Variants in METTL24 observed in about 807,000 individuals in gnomAD.
METTL24 encodes the protein methyltransferase like 24, also known as probable methyltransferase-like protein 24.
In METTL24, 29 loss-of-function variants were observed where a neutral mutation model predicts 32.7. That is an observed-to-expected ratio of 0.89 (90% CI 0.66 to 1.21). METTL24 has a LOEUF of 1.21. Among genes scored for constraint, METTL24 ranks in the 50% most tolerant of loss-of-function variants. The pLI is 0.00. For synonymous variants in METTL24, 163 were observed against 179.5 expected, an observed-to-expected ratio of 0.91 and a Z score of 0.73; for missense variants, 439 against 468.1, an observed-to-expected ratio of 0.94 and a Z score of 0.57.
At chr6:110,353,844 A>G (rs910352023) in intron 1 of METTL24, among the ~76,000 whole-genome samples, 1 of 152,234 alleles carries the variant, frequency 6.6e-6, no homozygotes, top group African/African-American at 2.4e-5. Flanking sequence ...TGCATTAAAA[A>G]GCATAAATCA....
intron 4 of METTL24, among the ~76,000 whole-genome samples, chr6:110,276,572 A>C (rs1771051082): frequency 6.6e-6 from 1 of 152,240 alleles, no homozygotes; most frequent in Non-Finnish European, 1.5e-5. Context: ...TAACTGGTAG[A>C]ATACGCTAAA....
intron 1 of METTL24, among the ~76,000 whole-genome samples, chr6:110,332,227 C>G (rs556432886): frequency 6.6e-6 from 1 of 152,258 alleles, no homozygotes; most frequent in East Asian, 1.9e-4. Flanking sequence ...GATTTATCCT[C>G]TAAGTTATTT....
intron 4 of METTL24, among the ~76,000 whole-genome samples, chr6:110,292,817 A>G (rs1771342765): frequency 6.6e-6 from 1 of 152,024 alleles, no homozygotes; most frequent in African/African-American, 2.4e-5. Context: ...AGCTGAAAAA[A>G]CATTTTTAAA....
intron 4 of METTL24, among the ~76,000 whole-genome samples, chr6:110,273,902 T>C (rs1171091531): frequency 6.6e-6 from 1 of 152,236 alleles, no homozygotes; most frequent in Non-Finnish European, 1.5e-5. Context: ...GAAGTTATTA[T>C]ATGAAAAAGA....
rs577419695 is a variant in METTL24, at chr6:110,252,155, CA to C, written c.787-5896del. On this transcript the variant is annotated intron_variant, in intron 4 of 4. Coordinates refer to ENST00000338882, the MANE Select transcript of METTL24 (RefSeq NM_001123364.3). ...CAAAACTCTTCCTTAAAAAACAAAA[CA>C]AAAAAAACCTGCTGCATTGGGATTC... 2.9e-4 allele frequency among the ~76,000 whole-genome samples: 44 copies of C among 151,894 alleles called. No individual in the cohort carries two copies. In the South Asian group the frequency reaches 8.9e-3, roughly 31 times the overall value.
intron 3 of METTL24, among the ~76,000 whole-genome samples, chr6:110,303,594 G>A (rs1397622227): frequency 2.6e-5 from 4 of 152,218 alleles, no homozygotes; most frequent in South Asian, 2.1e-4. Context: ...CAAAGCTGCT[G>A]TAGCCAGACT....
chr6:110,303,372 C>A (rs1260334776), intron 3 of METTL24, among the ~76,000 whole-genome samples: 1 of 152,158 alleles, frequency 6.6e-6, no homozygotes, highest in Non-Finnish European at 1.5e-5. Context: ...TCTTGCTCAG[C>A]AGATCCCACC....
intron 2 of METTL24, among the ~76,000 whole-genome samples, chr6:110,320,554 G>A (rs1771913839): frequency 1.3e-5 from 2 of 152,158 alleles, no homozygotes; most frequent in Admixed American, 1.3e-4. Context: ...AAAAACCATT[G>A]TGAGGTCCGG....
chr6:110,288,464 T>C (rs1771262545), intron 4 of METTL24, among the ~76,000 whole-genome samples: 1 of 150,794 alleles, frequency 6.6e-6, no homozygotes, highest in African/African-American at 2.5e-5. Context: ...TGTTAGGTAT[T>C]TTAAAAATGT....
chr6:110,317,845 A>C (rs1023062920), intron 2 of METTL24, among the ~76,000 whole-genome samples: 2 of 152,124 alleles, frequency 1.3e-5, no homozygotes, highest in African/African-American at 4.8e-5. Flanking sequence ...GCCTCCCTCC[A>C]GATCTACAAA....
intron 4 of METTL24, among the ~76,000 whole-genome samples, chr6:110,292,555 C>T (rs1157659212): frequency 6.6e-6 from 1 of 151,676 alleles, no homozygotes; most frequent in African/African-American, 2.4e-5. Flanking sequence ...CCTTCTATAC[C>T]GGTGAAATTA....
At chr6:110,261,486 A>C (rs1166173372) in intron 4 of METTL24, among the ~76,000 whole-genome samples, 1 of 152,184 alleles carries the variant, frequency 6.6e-6, no homozygotes, top group African/African-American at 2.4e-5. Flanking sequence ...GAGACCTAGA[A>C]AGACACTTAG....
chr6:110,343,250 C>T (rs749754284), intron 1 of METTL24, among the ~76,000 whole-genome samples: 7 of 152,166 alleles, frequency 4.6e-5, no homozygotes, highest in Admixed American at 2.0e-4. Context: ...CAATATATTG[C>T]TGCTCTCAAA....
At chr6:110,352,866 C>T (rs529382894) in intron 1 of METTL24, among the ~76,000 whole-genome samples, 2 of 152,362 alleles carry the variant, frequency 1.3e-5, no homozygotes, top group East Asian at 3.9e-4. Flanking sequence ...GGTTTAACTA[C>T]TTGACCTGAT....
At chr6:110,284,646 A>G (rs1337944694) in intron 4 of METTL24, among the ~76,000 whole-genome samples, 2 of 152,142 alleles carry the variant, frequency 1.3e-5, no homozygotes, top group African/African-American at 4.8e-5. Flanking sequence ...TGAATTTGAC[A>G]TAATATTTAT....
intron 4 of METTL24, among the ~76,000 whole-genome samples, chr6:110,252,101 G>A (rs553905344): frequency 1.3e-5 from 2 of 152,168 alleles, no homozygotes; most frequent in South Asian, 2.1e-4. Flanking sequence ...CTGAGATGGC[G>A]CCATGATACT....
intron 1 of METTL24, among the ~76,000 whole-genome samples, chr6:110,348,195 G>A (rs1011815808): frequency 6.6e-6 from 1 of 152,106 alleles, no homozygotes; most frequent in African/African-American, 2.4e-5. Flanking sequence ...TCATCTTCAC[G>A]ACAACCCTGT....
chr6:110,350,764 A>ATG, intron 1 of METTL24, among the ~76,000 whole-genome samples: 1 of 44,592 alleles, frequency 2.2e-5, no homozygotes, highest in African/African-American at 6.9e-5. Flanking sequence ...TGTCTCAACA[A>ATG]AATAAAATAA....
chr6:110,266,471 A>G (rs778536214), intron 4 of METTL24, among the ~76,000 whole-genome samples: 14 of 152,032 alleles, frequency 9.2e-5, no homozygotes, highest in Non-Finnish European at 1.3e-4. Context: ...TTGGTAAGCA[A>G]TTTTCTAATT....
Sources: allele counts gnomAD v4.1 joint callset (sites outside exome capture counted in the v4.1 genomes callset), GRCh38; gene constraint gnomAD v4.1.1; transcripts MANE v1.5; gene names NCBI Gene and HGNC (gene_info 2026-07-23, HGNC 2026-07-21).